NUP133: variants seen among roughly 807,000 people sequenced by gnomAD.
NUP133 encodes the protein nuclear pore complex protein Nup133.
NUP133 carries 66 observed loss-of-function variants against 146.2 expected under a neutral mutation model. That is an observed-to-expected ratio of 0.45 (90% CI 0.37 to 0.55). NUP133 has a LOEUF of 0.55. Among genes scored for constraint, NUP133 ranks in the 20% least tolerant of loss-of-function variants. The pLI, the probability that NUP133 is intolerant of heterozygous loss-of-function variation, is 0.00. For missense variants in NUP133, 1,277 were observed against 1,374.8 expected, an observed-to-expected ratio of 0.93 and a Z score of 1.12; for synonymous variants, 521 against 498.8, an observed-to-expected ratio of 1.04 and a Z score of -0.59.
intron 13 of NUP133, 150 bp from the exon 14 acceptor site, chr1:229,475,882 G>A: frequency 1.6e-6 from 1 of 608,872 alleles, no homozygotes; most frequent in East Asian, 2.8e-5. Context: ...GGTCGAGGTG[G>A]GCAGATCACG....
chr1:229,441,571 C>T lies in NUP133; in HGVS notation c.*333G>A, dbSNP rs1000808869. On this transcript the variant is annotated 3_prime_UTR_variant, in exon 26 of 26. Transcript: ENST00000261396. ...AGTGCAATCTAGTAATTTTCATAGT[C>T]GCAGAAACTGAGGCCTAGAAGTGAT... 4 of 437,146 alleles carry T rather than the reference C, an allele frequency of 9.2e-6. No individual in the cohort carries two copies. Among genetic ancestry groups the T allele is most frequent in the South Asian group, 1.7e-5 (1 of 58,648 alleles). 27.1% of individuals were successfully genotyped at this position (437,146 alleles called of 1,614,324 possible).
At chr1:229,485,387 T>C (rs1661323178) in intron 11 of NUP133, among the ~76,000 whole-genome samples, 1 of 152,136 alleles carries the variant, frequency 6.6e-6, no homozygotes. Context: ...TGGGAAAAAC[T>C]ACATTGAGGG....
intron 16 of NUP133, among the ~76,000 whole-genome samples, chr1:229,465,892 C>CAAAAAA (rs71561801): frequency 1.8e-4 from 14 of 76,470 alleles, no homozygotes; most frequent in South Asian, 4.9e-4. Context: ...CCATGTCTCA[C>CAAAAAA]AAAAAAAAAA....
At chr1:229,450,489 C>A in intron 23 of NUP133, 36 bp downstream of exon 23, 1 of 1,079,136 alleles carries the variant, frequency 9.3e-7, no homozygotes, top group Non-Finnish European at 1.4e-6. Context: ...TATATGTATT[C>A]AGTTGCCTGA....
intron 8 of NUP133, among the ~76,000 whole-genome samples, chr1:229,494,200 C>T (rs1661594698): frequency 6.6e-6 from 1 of 152,082 alleles, no homozygotes; most frequent in Non-Finnish European, 1.5e-5. Flanking sequence ...TAGCAGTAGT[C>T]CTACATTTCC....
At chr1:229,471,202 A>AC (rs2102762962) in intron 14 of NUP133, among the ~76,000 whole-genome samples, 1 of 152,158 alleles carries the variant, frequency 6.6e-6, no homozygotes, top group African/African-American at 2.4e-5. Context: ...GGTCACCCTA[A>AC]CCTTAAACCC....
Position 229,498,137 on chromosome 1 carries a change from G to A in NUP133, c.818C>T (p.Thr273Ile). Residue 273 changes from threonine (T) to isoleucine (I), a missense_variant and splice_region_variant, in exon 6 of 26, where the codon ACA becomes ATA. By Grantham distance (89) the Thr-to-Ile change is moderately conservative. Coordinates refer to ENST00000261396, the MANE Select transcript of NUP133 (RefSeq NM_018230.3). ...AAAATAGTTATTTTATAAACTTACTGTGAGATCACTACTAGGAGATAAAAT... is the reference window on the plus strand; with the variant it reads ...AAAATAGTTATTTTATAAACTTACTATGAGATCACTACTAGGAGATAAAAT... ...FGILSPSSDL[T>I]LSSVLWDRER... is the part of the protein sequence containing the mutation. 6.4e-7 allele frequency: 1 copy of A among 1,570,446 alleles called. No homozygotes were observed. Among genetic ancestry groups the A allele is most frequent in the Non-Finnish European group, 8.6e-7 (1 of 1,162,476 alleles).
chr1:229,446,209 C>A (rs1660297647), intron 24 of NUP133, among the ~76,000 whole-genome samples: 1 of 152,030 alleles, frequency 6.6e-6, no homozygotes, highest in Admixed American at 6.5e-5. Flanking sequence ...GAGTTTGAGA[C>A]CAGCCTGACC....
rs757023188 is a variant in NUP133 at position 229,450,613 on chromosome 1, A to C, written c.3100-8T>G. ...TTCTTCACAGATATATAGCTATGAC[A>C]AGTTAAAATAAGGTAGAAGATTATA... On this transcript the variant is annotated splice_region_variant and splice_polypyrimidine_tract_variant and intron_variant, in intron 22 of 25. Coordinates refer to ENST00000261396, the MANE Select transcript of NUP133 (RefSeq NM_018230.3). The C allele has an allele frequency of 7.2e-7, 1 of 1,380,220 alleles. No homozygotes were observed. The allele number at this position is 1,380,220 out of a possible 1,614,324, so 85.5% of individuals were successfully genotyped here. A position where few individuals can be genotyped will look rare whatever the true frequency, so the allele number is the denominator to read the frequency against.
intron 23 of NUP133, among the ~76,000 whole-genome samples, chr1:229,450,040 T>C (rs1038289926): frequency 2.2e-4 from 32 of 147,160 alleles, no homozygotes; most frequent in Non-Finnish European, 3.8e-4. Context: ...ACCATACCCA[T>C]CTAATTTTTT....
intron 10 of NUP133, 114 bp from the exon 11 acceptor site, chr1:229,486,642 C>T: frequency 1.0e-6 from 1 of 981,276 alleles, no homozygotes; most frequent in South Asian, 1.6e-5. Context: ...CACATTTTTT[C>T]CTTTACAACA....
chr1:229,490,401 TAAAAAA>T (rs201590753), intron 8 of NUP133, among the ~76,000 whole-genome samples: 1 of 127,484 alleles, frequency 7.8e-6, no homozygotes, highest in South Asian at 2.5e-4. Context: ...TATTCAGTAG[TAAAAAA>T]AAAAAAAAAA....
rs139734925 is a variant in NUP133, at chr1:229,468,929, G to A, written c.2076+1651C>T. 4.2e-3 allele frequency among the ~76,000 whole-genome samples: 645 copies of A among 152,230 alleles called. 14 individuals carry two copies. The highest frequency in any genetic ancestry group is 0.035 in the Admixed American group (537 of 15,288). Reference sequence around the variant, plus strand: ...CCATTCCCCAGGAACTAACCCAAATGCATAAAAGCAAAGAATTCACACTAA... The same window carrying A: ...CCATTCCCCAGGAACTAACCCAAATACATAAAAGCAAAGAATTCACACTAA... On this transcript the variant is annotated intron_variant, in intron 15 of 25. Transcript: ENST00000261396.
intron 9 of NUP133, among the ~76,000 whole-genome samples, chr1:229,489,039 G>A (rs1480157075): frequency 6.6e-6 from 1 of 152,140 alleles, no homozygotes; most frequent in African/African-American, 2.4e-5. Flanking sequence ...ACAGAACACT[G>A]CTGAATACAA....
chr1:229,499,333 AT>A, intron 5 of NUP133: 1 of 459,132 alleles, frequency 2.2e-6, no homozygotes, highest in Non-Finnish European at 4.5e-6. Context: ...TGAAATTGAT[AT>A]TTTGGAGTCC....
chr1:229,498,307 C>T lies in NUP133; in HGVS notation c.649-1G>A. The T allele has an allele frequency of 1.3e-6, 2 of 1,564,008 alleles. No individual in the cohort carries two copies. Among genetic ancestry groups the T allele is most frequent in the Non-Finnish European group, 1.7e-6 (2 of 1,161,468 alleles). On this transcript the variant is annotated splice_acceptor_variant, in intron 5 of 25. Coordinates refer to ENST00000261396, the MANE Select transcript of NUP133 (RefSeq NM_018230.3). LOFTEE classifies it high-confidence loss of function. ...ATGAAGACAAAATAAAACTTCCTCC[C>T]TGTGAAAAAACATTATGAGGTTAGT...
In NUP133 at chr1:229,446,385, G is replaced by A. The variant is rs148924871; in HGVS notation, c.3246-1383C>T. Among the ~76,000 whole-genome samples the A allele has an allele frequency of 6.1e-3, 931 of 152,194 alleles. 33 individuals are homozygous for A. In the East Asian group the frequency reaches 0.1, roughly 17 times the overall value. On this transcript the variant is annotated intron_variant, in intron 24 of 25. Transcript: ENST00000261396. ...GATTGAGCCACTGCACTCCAGCCTA[G>A]GTGACAGAGTGAGGCTCTGTCTCAA...
chr1:229,444,567 C>T (rs2102744120), intron 25 of NUP133, among the ~76,000 whole-genome samples: 1 of 151,608 alleles, frequency 6.6e-6, no homozygotes, highest in South Asian at 2.1e-4. Flanking sequence ...GGACAGACTC[C>T]AAATGAAAGC....
chr1:229,477,177 C>T (rs921689593), intron 13 of NUP133, among the ~76,000 whole-genome samples: 2 of 152,060 alleles, frequency 1.3e-5, no homozygotes, highest in African/African-American at 4.8e-5. Context: ...TGGTGGCTCA[C>T]ACCTGTAATC....
Sources: gnomAD v4.1 joint callset for allele counts (sites outside exome capture counted in the v4.1 genomes callset) on GRCh38, gnomAD v4.1.1 for gene constraint, MANE v1.5 for transcripts, NCBI Gene and HGNC (gene_info 2026-07-23, HGNC 2026-07-21) for gene names.